The following PCDH7 variants were observed in gnomAD, a reference collection of about 807,000 sequenced individuals.
PCDH7 encodes protocadherin 7, also known as protocadherin-7.
Under a neutral mutation model 58.9 loss-of-function variants are expected in PCDH7, and 17 were observed. The observed-to-expected ratio is 0.29, with a 90% CI of 0.20 to 0.43. The LOEUF is 0.43. Ranked by LOEUF, PCDH7 falls within the 20% of genes least tolerant of loss-of-function variation. The pLI, the probability that PCDH7 is intolerant of heterozygous loss-of-function variation, is 1.00. For synonymous variants in PCDH7, 664 were observed against 616.4 expected (o/e 1.08, Z -1.14); for missense variants, 1,274 against 1,441.0 (o/e 0.88, Z 1.88).
At chr4:31,054,686 T>C (rs2109226296) in intron 3 of PCDH7, among the ~76,000 whole-genome samples, 1 of 152,250 alleles carries the variant, frequency 6.6e-6, no homozygotes, top group African/African-American at 2.4e-5. Flanking sequence ...TGAAATCAAC[T>C]AAAGATTTCT....
intron 3 of PCDH7, among the ~76,000 whole-genome samples, chr4:31,082,798 G>A (rs1026715813): frequency 1.3e-5 from 2 of 151,962 alleles, no homozygotes; most frequent in Admixed American, 6.6e-5. Context: ...GAGGGGCTAA[G>A]GATAAAAAAC....
At chr4:31,145,582 A>G (rs1021514754), downstream of PCDH7, 3 of 152,086 alleles carry the variant, frequency 2.0e-5, no homozygotes, top group African/African-American at 7.2e-5. Flanking sequence ...GAAATGGGCT[A>G]TTCCCAACTT....
chr4:30,905,146 G>A (rs1482533864), intron 1 of PCDH7, among the ~76,000 whole-genome samples: 1 of 152,154 alleles, frequency 6.6e-6, no homozygotes, highest in Non-Finnish European at 1.5e-5. Context: ...TTCATTATGG[G>A]ACAATTGATT....
At chr4:30,936,359 A>G (rs1745338715) in intron 2 of PCDH7, among the ~76,000 whole-genome samples, 1 of 152,022 alleles carries the variant, frequency 6.6e-6, no homozygotes, top group Non-Finnish European at 1.5e-5. Context: ...ATTTGCCACT[A>G]TTAACTCCAA....
At chr4:30,961,673 A>G (rs1748450299) in intron 3 of PCDH7, among the ~76,000 whole-genome samples, 1 of 152,202 alleles carries the variant, frequency 6.6e-6, no homozygotes, top group Non-Finnish European at 1.5e-5. Context: ...TGTTTTTATT[A>G]TTTAAAAATG....
intron 1 of PCDH7, among the ~76,000 whole-genome samples, chr4:30,811,561 G>A (rs1257441430): frequency 6.6e-6 from 1 of 152,158 alleles, no homozygotes; most frequent in Non-Finnish European, 1.5e-5. Flanking sequence ...AACTGGGCAG[G>A]ACTCCCTTTT....
intron 3 of PCDH7, among the ~76,000 whole-genome samples, chr4:31,008,056 ACAGT>A (rs1366587632): frequency 1.3e-5 from 2 of 152,260 alleles, no homozygotes; most frequent in East Asian, 1.9e-4. Context: ...ATAAACAGAA[ACAGT>A]CAGAAAATTA....
At chr4:31,105,820 A>C (rs1350817138) in intron 3 of PCDH7, among the ~76,000 whole-genome samples, 2 of 152,020 alleles carry the variant, frequency 1.3e-5, no homozygotes, top group African/African-American at 4.8e-5. Flanking sequence ...ATCCTGGCTA[A>C]CATGGTGAAA....
chr4:31,050,531 T>C (rs1428402304), intron 3 of PCDH7, among the ~76,000 whole-genome samples: 2 of 152,188 alleles, frequency 1.3e-5, no homozygotes, highest in Non-Finnish European at 2.9e-5. Context: ...CTTCTAAATA[T>C]GATCCATGCT....
chr4:30,782,169 A>G (rs1178457690), intron 1 of PCDH7, among the ~76,000 whole-genome samples: 1 of 152,158 alleles, frequency 6.6e-6, no homozygotes, highest in Non-Finnish European at 1.5e-5. Context: ...TGAGCTTCTT[A>G]ACACTTTTTT....
chr4:30,855,691 G>A (rs1378287780), intron 1 of PCDH7, among the ~76,000 whole-genome samples: 1 of 152,160 alleles, frequency 6.6e-6, no homozygotes, highest in Non-Finnish European at 1.5e-5. Flanking sequence ...GGTAAACTTA[G>A]TAATACATAG....
At chr4:30,811,772 A>G (rs1380650021) in intron 1 of PCDH7, among the ~76,000 whole-genome samples, 1 of 152,240 alleles carries the variant, frequency 6.6e-6, no homozygotes, top group Non-Finnish European at 1.5e-5. Flanking sequence ...TCAAGGCAAA[A>G]GAGCCTAGGG....
chr4:30,724,442 T>C, exon 1 of PCDH7: 1 of 1,614,082 alleles, frequency 6.2e-7, no homozygotes, highest in Non-Finnish European at 8.5e-7. Context: ...ACTGTTCAGC[T>C]TCATCCCCAG....
intron 1 of PCDH7, among the ~76,000 whole-genome samples, chr4:30,833,196 T>C (rs1372034244): frequency 6.6e-6 from 1 of 152,134 alleles, no homozygotes; most frequent in Non-Finnish European, 1.5e-5. Context: ...AAATTGAGTG[T>C]CTTAAAACAT....
chr4:31,034,370 G>A lies in PCDH7; in HGVS notation c.*7+84155G>A, dbSNP rs899023512. On this transcript the variant is annotated intron_variant, in intron 3 of 3. Coordinates refer to the PCDH7 transcript ENST00000509759. The stretch of plus-strand genomic sequence containing the variant: ...TACCTAATTTTAAAAGGAAATGATT[G>A]TTCATTATTAGTAATATACTTTAAC... Among the ~76,000 whole-genome samples the A allele has an allele frequency of 2.0e-5, 3 of 152,130 alleles. No homozygotes were observed. In the East Asian group the frequency reaches 5.8e-4, roughly 29 times the overall value.
chr4:31,026,135 G>A (rs1754402190), intron 3 of PCDH7, among the ~76,000 whole-genome samples: 1 of 152,150 alleles, frequency 6.6e-6, no homozygotes, highest in Non-Finnish European at 1.5e-5. Flanking sequence ...ATATTTGCCA[G>A]CATTAGACTT....
chr4:30,792,979 C>T (rs35075523), intron 1 of PCDH7, among the ~76,000 whole-genome samples: 522 of 152,106 alleles, frequency 3.4e-3, no homozygotes, highest in Non-Finnish European at 6.0e-3. Context: ...TTTTCAACCC[C>T]AAATTGAAAC....
downstream of PCDH7, among the ~76,000 whole-genome samples, chr4:30,736,400 T>G (rs955287685): frequency 6.6e-6 from 1 of 152,296 alleles, no homozygotes; most frequent in South Asian, 2.1e-4. Context: ...AAAACTGTTT[T>G]TAATTTAAAA....
intron 2 of PCDH7, among the ~76,000 whole-genome samples, chr4:30,929,020 G>A (rs983869280): frequency 6.6e-6 from 1 of 151,994 alleles, no homozygotes; most frequent in Non-Finnish European, 1.5e-5. Context: ...TTAATTTTGT[G>A]TCTTTCTTTT....
Sources: gnomAD v4.1 joint callset for allele counts (sites outside exome capture counted in the v4.1 genomes callset) on GRCh38, gnomAD v4.1.1 for gene constraint, MANE v1.5 for transcripts, NCBI Gene and HGNC (gene_info 2026-07-23, HGNC 2026-07-21) for gene names.